The following PRUNE2 variants were observed in gnomAD, a reference collection of about 807,000 sequenced individuals.
PRUNE2 encodes the protein prune homolog 2 with BCH domain, also known as protein prune homolog 2.
A neutral mutation model predicts 252.0 loss-of-function variants in PRUNE2; 164 were observed. That is an observed-to-expected ratio of 0.65 (90% CI 0.57 to 0.74). The LOEUF is 0.74. Ranked by LOEUF, PRUNE2 falls within the 30% of genes least tolerant of loss-of-function variation. PRUNE2 has a pLI of 0.00. For missense variants in PRUNE2, 3,495 were observed against 3,711.0 expected (o/e 0.94, Z 1.51); for synonymous variants, 1,292 against 1,350.2 (o/e 0.96, Z 0.94).
chr9:76,807,051 T>TGTGTGTGTGTGTGCGCGCGC (rs60768420), intron 6 of PRUNE2, among the ~76,000 whole-genome samples: 21 of 139,450 alleles, frequency 1.5e-4, no homozygotes, highest in African/African-American at 5.5e-4. Flanking sequence ...TGTGTGTGTG[T>TGTGTGTGTGTGTGCGCGCGC]GCGCGCGCGC....
chr9:76,644,295 T>TA (rs1006666697), intron 12 of PRUNE2, among the ~76,000 whole-genome samples: 23 of 148,934 alleles, frequency 1.5e-4, no homozygotes, highest in Middle Eastern at 6.9e-3. Context: ...AGGCTAAGTC[T>TA]AAAAAAAAAA....
intron 15 of PRUNE2, among the ~76,000 whole-genome samples, chr9:76,631,672 A>AT (rs1837670912): frequency 6.6e-6 from 1 of 152,052 alleles, no homozygotes; most frequent in African/African-American, 2.4e-5. Context: ...CAAATTACTA[A>AT]TTTTTTCCCC....
intron 15 of PRUNE2, among the ~76,000 whole-genome samples, chr9:76,635,476 T>C (rs1839656571): frequency 6.6e-6 from 1 of 152,200 alleles, no homozygotes; most frequent in Non-Finnish European, 1.5e-5. Flanking sequence ...ATAATAACAG[T>C]ATATCATGTG....
intron 12 of PRUNE2, chr9:76,641,865 A>G: frequency 7.6e-7 from 1 of 1,320,526 alleles, no homozygotes; most frequent in Non-Finnish European, 1.0e-6. Flanking sequence ...ACAGAAGGAA[A>G]GATGTCACAG....
At position 76,710,395 on chromosome 9, in the gene PRUNE2, C is replaced by T; in HGVS notation, c.1879G>A (p.Ala627Thr). The T allele has an allele frequency of 6.2e-7, 1 of 1,613,964 alleles. No individual in the cohort carries two copies. Among genetic ancestry groups the T allele is most frequent in the Non-Finnish European group, 8.5e-7 (1 of 1,179,874 alleles). The change falls in exon 8 of 19, where the codon GCC becomes ACC. Residue 627 changes from alanine (A) to threonine (T), a missense_variant. Transcript: ENST00000376718. ...GTCATATCTTCTGTATAGAGTGAGG[C>T]TGGTTCTTCAGTGGATGGCGAGCTT... Reference protein sequence around the residue: ...VESSPSTEEPASLYTEDMTQK... With the variant: ...VESSPSTEEPTSLYTEDMTQK...
chr9:76,862,818 T>G (rs2060627591), intron 1 of PRUNE2: 1 of 152,228 alleles, frequency 6.6e-6, no homozygotes, highest in Non-Finnish European at 1.5e-5. Flanking sequence ...TGTGACCCTA[T>G]TACACATAAT....
chr9:76,668,796 T>C lies in PRUNE2; in HGVS notation c.8277-13294A>G, dbSNP rs12002626. Among the ~76,000 whole-genome samples, 580 of 151,718 alleles carry C rather than the reference T, an allele frequency of 3.8e-3. 5 individuals carry two copies. The highest frequency in any genetic ancestry group is 0.013 in the African/African-American group (558 of 41,348). Reference sequence around the variant, plus strand: ...GCCTCTGGCTGGGGACTTCTCACCTTGGGAGGCATCGTCGTTTGGAGGGCT... The same window carrying C: ...GCCTCTGGCTGGGGACTTCTCACCTCGGGAGGCATCGTCGTTTGGAGGGCT... On this transcript the variant is annotated intron_variant, in intron 9 of 18. Transcript: ENST00000376718.
At chr9:76,877,382 T>G (rs1039749148) in intron 1 of PRUNE2, among the ~76,000 whole-genome samples, 3 of 152,194 alleles carry the variant, frequency 2.0e-5, no homozygotes, top group African/African-American at 7.2e-5. Context: ...GGCAGTCACC[T>G]GTAGTCCCAG....
At chr9:76,872,645 C>CACACACA (rs2061283278) in intron 1 of PRUNE2, among the ~76,000 whole-genome samples, 1 of 111,994 alleles carries the variant, frequency 8.9e-6, no homozygotes, top group African/African-American at 3.3e-5. Flanking sequence ...ACACACACAC[C>CACACACA]CTCACACCTC....
chr9:76,815,809 GA>G (rs1370901590), intron 6 of PRUNE2, among the ~76,000 whole-genome samples: 1 of 152,132 alleles, frequency 6.6e-6, no homozygotes, highest in Non-Finnish European at 1.5e-5. Flanking sequence ...GTAAAGCAGA[GA>G]AAAGTTGTCA....
At chr9:76,857,069 T>G (rs1015911532) in intron 1 of PRUNE2, 3 of 455,970 alleles carry the variant, frequency 6.6e-6, no homozygotes, top group South Asian at 1.5e-5. Flanking sequence ...GTCTCTTTTT[T>G]CATGGTCTCT....
intron 6 of PRUNE2, among the ~76,000 whole-genome samples, chr9:76,721,303 G>A (rs889125241): frequency 2.6e-5 from 4 of 151,922 alleles, no homozygotes; most frequent in East Asian, 1.9e-4. Flanking sequence ...CATTTCCACC[G>A]TTTCACCTCC....
intron 4 of PRUNE2, 105 bp downstream of exon 4, chr9:76,846,410 A>T: frequency 2.0e-6 from 2 of 989,726 alleles, no homozygotes; most frequent in African/African-American, 1.6e-5. Context: ...CGTGGTCTTT[A>T]AAGAGATTGT....
At chr9:76,847,482 G>A in intron 3 of PRUNE2, among the ~76,000 whole-genome samples, 1 of 151,478 alleles carries the variant, frequency 6.6e-6, no homozygotes, top group African/African-American at 2.4e-5. Context: ...AAAAAACTGA[G>A]GCACAAAGAG....
chr9:76,736,211 T>C (rs1169791546), intron 6 of PRUNE2, among the ~76,000 whole-genome samples: 2 of 151,940 alleles, frequency 1.3e-5, no homozygotes, highest in African/African-American at 4.8e-5. Context: ...TTTTCAGAAA[T>C]AGTATAAGCA....
At chr9:76,630,231 C>CT (rs58831160) in intron 15 of PRUNE2, among the ~76,000 whole-genome samples, 30,284 of 131,820 alleles carry the variant, frequency 0.23, 3,215 homozygotes, top group Non-Finnish European at 0.25. Context: ...ACTCATTTTT[C>CT]TTTTTTTTTT....
At chr9:76,664,583 C>T (rs573785142) in intron 9 of PRUNE2, among the ~76,000 whole-genome samples, 18 of 152,268 alleles carry the variant, frequency 1.2e-4, no homozygotes, top group Admixed American at 3.3e-4. Flanking sequence ...CGCAATGGAG[C>T]GATCTCGGCT....
intron 6 of PRUNE2, among the ~76,000 whole-genome samples, chr9:76,717,890 G>C (rs1303075392): frequency 6.6e-6 from 1 of 152,168 alleles, no homozygotes; most frequent in Non-Finnish European, 1.5e-5. Context: ...AACATTTTTA[G>C]AGGTCACGTG....
intron 1 of PRUNE2, among the ~76,000 whole-genome samples, chr9:76,877,705 C>G (rs182070173): frequency 6.6e-6 from 1 of 152,098 alleles, no homozygotes; most frequent in Non-Finnish European, 1.5e-5. Context: ...AATCAAGCAT[C>G]GGTGAATGAA....
Sources: gnomAD v4.1 joint callset for allele counts (sites outside exome capture counted in the v4.1 genomes callset) on GRCh38, gnomAD v4.1.1 for gene constraint, MANE v1.5 for transcripts, NCBI Gene and HGNC (gene_info 2026-07-23, HGNC 2026-07-21) for gene names.